The following TADA2B variants were observed in gnomAD, a reference collection of about 807,000 sequenced individuals.
TADA2B encodes transcriptional adaptor 2B.
A neutral mutation model predicts 34.5 loss-of-function variants in TADA2B; 13 were observed. That is an observed-to-expected ratio of 0.38 (90% CI 0.25 to 0.60). The LOEUF (loss-of-function observed/expected upper bound fraction) is 0.60, where lower values mean the gene tolerates loss of function less well. Ranked by LOEUF, TADA2B falls within the 20% of genes least tolerant of loss-of-function variation. The pLI is 0.65. For synonymous variants in TADA2B, 240 were observed against 243.4 expected, an observed-to-expected ratio of 0.99 and a Z score of 0.13; for missense variants, 442 against 575.0, an observed-to-expected ratio of 0.77 and a Z score of 2.37.
rs917330144 is a variant in TADA2B, at chr4:7,056,495, C to A, written c.*1441C>A. 1.3e-5 allele frequency: 2 copies of A among 152,454 alleles called. No individual in the cohort carries two copies. The highest frequency in any genetic ancestry group is 4.8e-5 in the African/African-American group (2 of 41,428). The allele number at this position is 152,454 out of a possible 1,614,324, so 9.4% of individuals were successfully genotyped here. A position where few individuals can be genotyped will look rare whatever the true frequency, so the allele number is the denominator to read the frequency against. ...CCCAGAATGTTTGGGCTTGAAGTTA[C>A]ATTAAAGTGAAGTTATTTGAAAGAA... On this transcript the variant is annotated 3_prime_UTR_variant, in exon 2 of 2. Coordinates refer to ENST00000310074, the MANE Select transcript of TADA2B (RefSeq NM_152293.3).
intron 1 of TADA2B, among the ~76,000 whole-genome samples, chr4:7,049,267 C>T (rs1051228081): frequency 5.3e-5 from 8 of 152,054 alleles, no homozygotes; most frequent in Admixed American, 2.6e-4. Flanking sequence ...TTTGTAGAGA[C>T]GGGGTCTTGC....
At chr4:7,049,674 C>G (rs1723718879) in intron 1 of TADA2B, among the ~76,000 whole-genome samples, 1 of 152,218 alleles carries the variant, frequency 6.6e-6, no homozygotes. Flanking sequence ...GATGCTTGTG[C>G]TGAGAGTTGA....
intron 1 of TADA2B, chr4:7,053,829 G>A (rs1723823870): frequency 7.8e-6 from 4 of 514,260 alleles, no homozygotes; most frequent in Non-Finnish European, 1.4e-5. Flanking sequence ...GCCTCTCTGG[G>A]TCTTCACTTT....
chr4:7,043,679 G>C lies in TADA2B; in HGVS notation c.100G>C (p.Glu34Gln). The C allele has an allele frequency of 6.3e-7, 1 of 1,586,500 alleles. No individual in the cohort carries two copies. Among genetic ancestry groups the C allele is most frequent in the Non-Finnish European group, 8.6e-7 (1 of 1,169,388 alleles). ...TECQDIELCP[E>Q]CFSAGAEIGH... ...GTGCCAGGACATCGAGCTGTGCCCC[G>C]AGTGCTTCTCGGCCGGCGCCGAGAT... Residue 34 changes from glutamate to glutamine, a missense_variant, in exon 1 of 2, where the codon GAG becomes CAG. Physicochemically the swap from Glu to Gln is conservative, Grantham distance 29. Coordinates refer to ENST00000310074, the MANE Select transcript of TADA2B (RefSeq NM_152293.3).
chr4:7,050,752 C>T (rs978973721), intron 1 of TADA2B, among the ~76,000 whole-genome samples: 6 of 152,244 alleles, frequency 3.9e-5, no homozygotes, highest in African/African-American at 1.4e-4. Context: ...ACGTCTCCAA[C>T]GTGCTTGTTC....
At position 7,057,338 on chromosome 4, in the gene TADA2B, T is replaced by C. The variant is rs1187412005; in HGVS notation, c.*2284T>C. On this transcript the variant is annotated 3_prime_UTR_variant, in exon 2 of 2. Coordinates refer to ENST00000310074, the MANE Select transcript of TADA2B (RefSeq NM_152293.3). ...TAATTTATGTTAAAGTATTAACCCT[T>C]TGTCACAAAGGAATGGTAATGTGAT... 1.3e-5 allele frequency: 2 copies of C among 152,234 alleles called. No homozygotes were observed. The highest frequency in any genetic ancestry group is 2.9e-5 in the Non-Finnish European group (2 of 68,038). 9.4% of individuals were successfully genotyped at this position (152,234 alleles called of 1,614,324 possible).
chr4:7,050,629 C>T (rs986301152), intron 1 of TADA2B, among the ~76,000 whole-genome samples: 2 of 152,082 alleles, frequency 1.3e-5, no homozygotes, highest in Non-Finnish European at 2.9e-5. Flanking sequence ...CGGCATCGCC[C>T]GGGACAGGAG....
chr4:7,054,300 G>A lies in TADA2B; in HGVS notation c.509G>A (p.Arg170Gln), dbSNP rs1225272119. The change falls in exon 2 of 2, where the codon CGG (arginine) becomes CAG (glutamine). Residue 170 changes from arginine to glutamine, a missense_variant. This residue lies in a region of TADA2B where 222 missense variants were observed against 235.2 expected (regional missense o/e 0.94). Transcript: ENST00000310074. ...CAGCAGCTGGGCTACATGCCGCTGC[G>A]GGATGATTACGAGATCGAGTATGAC... Reference protein sequence around the residue: ...EQQQLGYMPLRDDYEIEYDQD... With the variant: ...EQQQLGYMPLQDDYEIEYDQD... The A allele has an allele frequency of 6.2e-7, 1 of 1,613,176 alleles. No homozygotes were observed. The highest frequency in any genetic ancestry group is 8.5e-7 in the Non-Finnish European group (1 of 1,179,864).
rs1234265140 is a variant in TADA2B at position 7,055,039 on chromosome 4, C to T, written c.1248C>T (p.Ser416=). Residue 416 remains serine (S), a synonymous_variant, in exon 2 of 2, where the codon TCC becomes TCT. Transcript: ENST00000310074. ...LNFLTESGWI[S]RDAS Reference sequence around the variant, plus strand: ...TCCTCACAGAAAGCGGCTGGATCTCCAGGGACGCGTCTTGAAGCTGAGACG... The same window carrying T: ...TCCTCACAGAAAGCGGCTGGATCTCTAGGGACGCGTCTTGAAGCTGAGACG... The T allele has an allele frequency of 2.5e-6, 4 of 1,609,900 alleles. No homozygotes were observed. The highest frequency in any genetic ancestry group is 1.3e-5 in the African/African-American group (1 of 74,672).
intron 1 of TADA2B, 60 bp from the exon 2 acceptor site, chr4:7,054,002 T>C: frequency 1.3e-6 from 2 of 1,493,980 alleles, no homozygotes; most frequent in Non-Finnish European, 1.8e-6. Flanking sequence ...AGAGAATCTG[T>C]GCGGAACCCA....
chr4:7,052,092 G>A (rs1560394123), intron 1 of TADA2B, among the ~76,000 whole-genome samples: 1 of 152,244 alleles, frequency 6.6e-6, no homozygotes, highest in African/African-American at 2.4e-5. Context: ...TGGGAACCTG[G>A]TGCAGCAGCC....
intron 1 of TADA2B, 146 bp from the exon 2 acceptor site, chr4:7,053,916 G>A (rs1163662981): frequency 3.6e-6 from 3 of 839,548 alleles, no homozygotes; most frequent in Non-Finnish European, 5.5e-6. Context: ...AAGACAGTGT[G>A]TGACTGAATG....
Position 7,055,302 on chromosome 4 carries a change from G to A in TADA2B, c.*248G>A, listed in dbSNP as rs982937169. ...GAGTCATACACTGCGATGATGCTCC[G>A]CCTTTACCCGTTCAGTTGGGAGCTT... On this transcript the variant is annotated 3_prime_UTR_variant, in exon 2 of 2. Coordinates refer to ENST00000310074, the MANE Select transcript of TADA2B (RefSeq NM_152293.3). 1.9e-5 allele frequency: 9 copies of A among 485,884 alleles called. No individual in the cohort carries two copies. The highest frequency in any genetic ancestry group is 3.9e-5 in the African/African-American group (2 of 51,116). The allele number at this position is 485,884 out of a possible 1,614,324, so 30.1% of individuals were successfully genotyped here.
At position 7,043,736 on chromosome 4, in the gene TADA2B, C is replaced by G; in HGVS notation, c.157C>G (p.Leu53Val). 6.3e-7 allele frequency: 1 copy of G among 1,588,846 alleles called. No homozygotes were observed. The highest frequency in any genetic ancestry group is 8.5e-7 in the Non-Finnish European group (1 of 1,173,046). Residue 53 changes from leucine (L) to valine (V), a missense_variant, in exon 1 of 2, where the codon CTG becomes GTG. Around this residue, in one of 4 missense-constraint regions of TADA2B, gnomAD observed 102 missense variants for 177.2 expected, o/e 0.58. Transcript: ENST00000310074. ...GHHRRYHGYQ[L>V]VDGGRFTLWG... The stretch of plus-strand genomic sequence containing the variant: ...CCACCGCCGCTACCACGGCTACCAG[C>G]TGGTGGACGGCGGGCGCTTCACGCT...
chr4:7,050,868 T>TG (rs1443193056), intron 1 of TADA2B, among the ~76,000 whole-genome samples: 5 of 152,070 alleles, frequency 3.3e-5, no homozygotes, highest in South Asian at 4.1e-4. Flanking sequence ...CGTGGGATGG[T>TG]GGGGGGCGCG....
In TADA2B at chr4:7,053,960, A is replaced by G. The variant is rs892875708; in HGVS notation, c.271-102A>G. 14 of 1,341,432 alleles carry G rather than the reference A, an allele frequency of 1.0e-5. No individual in the cohort carries two copies. In the African/African-American group the frequency reaches 1.5e-4, roughly 14 times the overall value. The allele number at this position is 1,341,432 out of a possible 1,614,324, so 83.1% of individuals were successfully genotyped here. A position where few individuals can be genotyped will look rare whatever the true frequency, so the allele number is the denominator to read the frequency against. On this transcript the variant is annotated intron_variant, in intron 1 of 1. Coordinates refer to ENST00000310074, the MANE Select transcript of TADA2B (RefSeq NM_152293.3). ...GAGGGTGGGTAACGGTGCTGTAGGA[A>G]GTACTCTAGGTCAGCCTTTGTAAAA... is the stretch of plus-strand genomic sequence containing the variant.
In TADA2B at chr4:7,055,907, G is replaced by A. The variant is rs965171409; in HGVS notation, c.*853G>A. On this transcript the variant is annotated 3_prime_UTR_variant, in exon 2 of 2. Transcript: ENST00000310074. ...CTCAGTCCATTTTCCGGGGCTGCTC[G>A]GTGCTGCTGTTAAGACGTGAGTGCA... is the stretch of plus-strand genomic sequence containing the variant. The A allele has an allele frequency of 3.0e-4, 46 of 152,346 alleles. No homozygotes were observed. The highest frequency in any genetic ancestry group is 1.1e-3 in the African/African-American group (46 of 41,582). The allele number at this position is 152,346 out of a possible 1,614,324, so 9.4% of individuals were successfully genotyped here.
intron 1 of TADA2B, among the ~76,000 whole-genome samples, chr4:7,048,130 TG>T (rs1475494098): frequency 3.3e-5 from 5 of 152,212 alleles, no homozygotes; most frequent in African/African-American, 1.2e-4. Context: ...TTGTCACCTC[TG>T]AGGCCGAGGT....
Position 7,054,585 on chromosome 4 carries a change from T to A in TADA2B, c.794T>A (p.Phe265Tyr), listed in dbSNP as rs1022146320. Residue 265 changes from phenylalanine to tyrosine, a missense_variant, in exon 2 of 2, where the codon TTC becomes TAC. Physicochemically the swap from Phe to Tyr is conservative, Grantham distance 22. Coordinates refer to ENST00000310074, the MANE Select transcript of TADA2B (RefSeq NM_152293.3). ...CTGAAGCTGAGGCCGCTGTACCAGTTCATGTCATGCAAGGAGTTTGATGAC... is the reference window on the plus strand; with the variant it reads ...CTGAAGCTGAGGCCGCTGTACCAGTACATGTCATGCAAGGAGTTTGATGAC... ...LRLKLRPLYQFMSCKEFDDLF... is the reference protein window; with the variant it reads ...LRLKLRPLYQYMSCKEFDDLF... The A allele has an allele frequency of 3.1e-6, 5 of 1,613,878 alleles. No homozygotes were observed. Among genetic ancestry groups the A allele is most frequent in the Non-Finnish European group, 4.2e-6 (5 of 1,179,894 alleles).
Sources: allele counts gnomAD v4.1 joint callset (sites outside exome capture counted in the v4.1 genomes callset), GRCh38; gene constraint gnomAD v4.1.1; regional missense constraint gnomAD v4.1.1; transcripts MANE v1.5; gene names NCBI Gene and HGNC (gene_info 2026-07-23, HGNC 2026-07-21).